Variants in CSMD3 observed in about 807,000 individuals in gnomAD.
CSMD3 encodes the protein CUB and sushi domain-containing protein 3.
A neutral mutation model predicts 435.2 loss-of-function variants in CSMD3; 177 were observed. That is an observed-to-expected ratio of 0.41 (90% confidence interval 0.36 to 0.46). The LOEUF is 0.46. Ranked by LOEUF, CSMD3 falls within the 20% of genes least tolerant of loss-of-function variation. CSMD3 has a pLI of 0.34. For synonymous variants in CSMD3, 1,656 were observed against 1,520.5 expected (o/e 1.09, Z -2.07); for missense variants, 4,265 against 4,504.6 (o/e 0.95, Z 1.52).
chr8:112,648,290 T>C (rs937256561), intron 19 of CSMD3, among the ~76,000 whole-genome samples: 1 of 152,182 alleles, frequency 6.6e-6, no homozygotes, highest in Non-Finnish European at 1.5e-5. Context: ...AAAATTATTA[T>C]TAAGTACCTG....
intron 13 of CSMD3, among the ~76,000 whole-genome samples, chr8:112,700,551 C>T (rs945898868): frequency 6.6e-6 from 1 of 151,964 alleles, no homozygotes; most frequent in Non-Finnish European, 1.5e-5. Context: ...TCAAATTCCC[C>T]TCTTTTTTAT....
At chr8:113,170,874 G>A (rs1254604207) in intron 4 of CSMD3, among the ~76,000 whole-genome samples, 1 of 151,938 alleles carries the variant, frequency 6.6e-6, no homozygotes, top group Non-Finnish European at 1.5e-5. Flanking sequence ...AATAGTGGGT[G>A]CCAATTTTGA....
chr8:112,967,472 T>A (rs982311947), intron 7 of CSMD3, among the ~76,000 whole-genome samples: 5 of 152,030 alleles, frequency 3.3e-5, no homozygotes, highest in African/African-American at 1.2e-4. Context: ...CAAGTTAAAC[T>A]GAAGCTTTTT....
chr8:112,829,885 GCACACACACACACA>G (rs57982384), intron 11 of CSMD3, 96 bp from the exon 12 acceptor site: 8,265 of 597,956 alleles, frequency 0.014, 305 homozygotes, highest in African/African-American at 0.11. Flanking sequence ...TTGTCTCTCT[GCACACACACACACA>G]CACACACACA....
intron 12 of CSMD3, among the ~76,000 whole-genome samples, chr8:112,806,213 T>C (rs1320376788): frequency 6.6e-6 from 1 of 152,220 alleles, no homozygotes; most frequent in East Asian, 1.9e-4. Context: ...TCTGAAGAAG[T>C]GTTCCAATTA....
intron 66 of CSMD3, among the ~76,000 whole-genome samples, chr8:112,238,283 G>A (rs911013232): frequency 5.3e-5 from 8 of 151,568 alleles, no homozygotes; most frequent in African/African-American, 1.9e-4. Context: ...TTTTTAATTT[G>A]TCTAACAAGT....
At chr8:112,596,923 C>A (rs1240098930) in intron 22 of CSMD3, among the ~76,000 whole-genome samples, 1 of 150,882 alleles carries the variant, frequency 6.6e-6, no homozygotes, top group Non-Finnish European at 1.5e-5. Flanking sequence ...AGGAAAGATC[C>A]AAAATTGACA....
At chr8:112,334,257 T>C (rs1301913599) in intron 45 of CSMD3, among the ~76,000 whole-genome samples, 2 of 152,190 alleles carry the variant, frequency 1.3e-5, no homozygotes, top group East Asian at 1.9e-4. Context: ...GGCTGATAAG[T>C]GCTCAAATTA....
intron 13 of CSMD3, among the ~76,000 whole-genome samples, chr8:112,787,945 T>C (rs1301595123): frequency 6.6e-6 from 1 of 152,068 alleles, no homozygotes; most frequent in Admixed American, 6.6e-5. Context: ...TTAAAAGAGT[T>C]TTATTGGAAT....
chr8:112,471,880 G>T (rs573348485), intron 32 of CSMD3, among the ~76,000 whole-genome samples: 1 of 152,226 alleles, frequency 6.6e-6, no homozygotes, highest in Non-Finnish European at 1.5e-5. Flanking sequence ...ACACTTTACT[G>T]CTCTCTAAAT....
At chr8:113,411,879 A>G (rs2094561399) in intron 1 of CSMD3, among the ~76,000 whole-genome samples, 1 of 152,080 alleles carries the variant, frequency 6.6e-6, no homozygotes, top group South Asian at 2.1e-4. Context: ...AATTCCAACA[A>G]CTGCAAAATT....
intron 46 of CSMD3, among the ~76,000 whole-genome samples, chr8:112,319,402 T>A (rs541912862): frequency 6.6e-6 from 1 of 152,112 alleles, no homozygotes; most frequent in East Asian, 1.9e-4. Context: ...TCGTATATAA[T>A]TTTTTTTCAA....
chr8:112,270,108 A>T (rs997347442), intron 59 of CSMD3, among the ~76,000 whole-genome samples: 15 of 152,178 alleles, frequency 9.9e-5, no homozygotes, highest in African/African-American at 3.6e-4. Context: ...TTTCCAACTC[A>T]CGTATAGTCT....
intron 38 of CSMD3, among the ~76,000 whole-genome samples, chr8:112,374,899 G>C (rs1403949240): frequency 2.0e-5 from 3 of 152,128 alleles, no homozygotes; most frequent in Admixed American, 6.6e-5. Context: ...CGACTCTTAA[G>C]AAGTGTCTAG....
At chr8:113,142,163 G>A (rs768633508) in intron 4 of CSMD3, among the ~76,000 whole-genome samples, 9 of 150,946 alleles carry the variant, frequency 6.0e-5, no homozygotes, top group Admixed American at 6.6e-5. Flanking sequence ...TGGATTGGAC[G>A]ACTCAACACA....
chr8:113,275,238 A>G (rs575946941), intron 3 of CSMD3, among the ~76,000 whole-genome samples: 1 of 152,224 alleles, frequency 6.6e-6, no homozygotes, highest in Non-Finnish European at 1.5e-5. Flanking sequence ...TAGATACATT[A>G]AGTATCTTCT....
At chr8:112,970,974 G>T (rs531666055) in intron 7 of CSMD3, among the ~76,000 whole-genome samples, 1 of 152,166 alleles carries the variant, frequency 6.6e-6, no homozygotes, top group African/African-American at 2.4e-5. Flanking sequence ...ACCCGTCTCG[G>T]CCTCCCAAAG....
chr8:112,451,385 AATAAT>A (rs1363339117), intron 32 of CSMD3, among the ~76,000 whole-genome samples: 5 of 152,154 alleles, frequency 3.3e-5, no homozygotes, highest in Non-Finnish European at 5.9e-5. Context: ...AAAAAGAAAA[AATAAT>A]AGAGCATTAT....
intron 6 of CSMD3, among the ~76,000 whole-genome samples, chr8:112,977,265 T>C (rs1383054422): frequency 2.0e-5 from 3 of 152,020 alleles, no homozygotes; most frequent in Non-Finnish European, 2.9e-5. Context: ...TTAGGAATCA[T>C]AGTCAGATCC....
Sources: allele counts gnomAD v4.1 joint callset (sites outside exome capture counted in the v4.1 genomes callset), GRCh38; gene constraint gnomAD v4.1.1; transcripts MANE v1.5; gene names NCBI Gene and HGNC (gene_info 2026-07-23, HGNC 2026-07-21).